LVRN: variants seen among roughly 807,000 people sequenced by gnomAD.
LVRN encodes aminopeptidase Q.
LVRN carries 99 observed loss-of-function variants against 111.4 expected under a neutral mutation model. That is an observed-to-expected ratio of 0.89 (90% CI 0.76 to 1.05). LVRN has a LOEUF of 1.05. LVRN is among the 50% of genes least tolerant of loss of function. The pLI is 0.00. For missense variants in LVRN, 1,414 were observed against 1,206.8 expected, an observed-to-expected ratio of 1.17 and a Z score of -2.54; for synonymous variants, 488 against 449.5, an observed-to-expected ratio of 1.09 and a Z score of -1.08.
At chr5:115,988,027 A>G (rs10519437) in intron 4 of LVRN, 88 bp downstream of exon 4, 241,955 of 1,489,600 alleles carry the variant, frequency 0.16, 21,752 homozygotes, top group East Asian at 0.38. Flanking sequence ...CAAACCCATA[A>G]GGATTCACCA....
intron 15 of LVRN, 30 bp from the exon 16 acceptor site, chr5:116,014,390 A>G: frequency 6.5e-7 from 1 of 1,534,918 alleles, no homozygotes; most frequent in Non-Finnish European, 9.0e-7. Context: ...AATGCAAAAT[A>G]AACTGTTTTT....
chr5:116,010,686 C>A, intron 13 of LVRN, 55 bp from the exon 14 acceptor site: 1 of 1,543,628 alleles, frequency 6.5e-7, no homozygotes, highest in South Asian at 1.2e-5. Context: ...CGAACGTATG[C>A]AAATTACTTA....
At position 116,014,441 on chromosome 5, in the gene LVRN, T is replaced by A. The variant is rs752913601; in HGVS notation, c.2364T>A (p.Phe788Leu). The A allele has an allele frequency of 1.6e-5, 26 of 1,612,122 alleles. No homozygotes were observed. The highest frequency in any genetic ancestry group is 2.1e-5 in the Non-Finnish European group (25 of 1,179,058). ...YLALISLEKL[F>L]VTACWLGLED... Reference sequence around the variant, plus strand: ...CAAGAATATCACTGGAAAAACTTTTTGTAACTGCGTGTTGGTTGGGCCTTG... The same window carrying A: ...CAAGAATATCACTGGAAAAACTTTTAGTAACTGCGTGTTGGTTGGGCCTTG... The change falls in exon 16 of 20, where the codon TTT becomes TTA. Residue 788 changes from phenylalanine (F) to leucine (L), a missense_variant. Transcript: ENST00000357872.
chr5:116,018,107 A>T (rs1323610289), intron 18 of LVRN, among the ~76,000 whole-genome samples: 1 of 152,194 alleles, frequency 6.6e-6, no homozygotes, highest in Non-Finnish European at 1.5e-5. Context: ...CCAAAAATTT[A>T]AAAATTAAAA....
In LVRN at chr5:115,963,228, T is replaced by C; in HGVS notation, c.611T>C (p.Leu204Pro). The C allele has an allele frequency of 6.2e-7, 1 of 1,612,868 alleles. No individual in the cohort carries two copies. The highest frequency in any genetic ancestry group is 8.5e-7 in the Non-Finnish European group (1 of 1,179,876). ...EPLKPGSSYE[L>P]QLSFSGLVKE... ...CTGAAACCTGGTAGCAGCTACGAGCTGCAGCTTAGCTTCTCGGGCCTGGTG... is the reference window on the plus strand; with the variant it reads ...CTGAAACCTGGTAGCAGCTACGAGCCGCAGCTTAGCTTCTCGGGCCTGGTG... Residue 204 changes from leucine to proline, a missense_variant, in exon 1 of 20, where the codon CTG becomes CCG. Leu to Pro is a moderately conservative substitution (Grantham distance 98, BLOSUM62 -3). Coordinates refer to ENST00000357872, the MANE Select transcript of LVRN (RefSeq NM_173800.5).
chr5:115,992,254 G>T lies in LVRN; in HGVS notation c.1237G>T (p.Val413Phe), dbSNP rs761742572. ...TEKKTLISYV[V>F]SHEIGHQWFG... is the part of the protein sequence containing the mutation. ...AAAAAAGACTCTGATCTCCTATGTT[G>T]TCTCCCACGAGATTGGACACCAGGC... The change falls in exon 5 of 20, where the codon GTC becomes TTC. Residue 413 changes from valine to phenylalanine, a missense_variant. By Grantham distance (50) the Val-to-Phe change is conservative (BLOSUM62 -1). Coordinates refer to ENST00000357872, the MANE Select transcript of LVRN (RefSeq NM_173800.5). 5 of 1,613,706 alleles carry T rather than the reference G, an allele frequency of 3.1e-6. No individual in the cohort carries two copies. Among genetic ancestry groups the T allele is most frequent in the Non-Finnish European group, 4.2e-6 (5 of 1,179,892 alleles).
At chr5:115,992,060 T>C in intron 4 of LVRN, 63 bp from the exon 5 acceptor site, 2 of 1,480,972 alleles carry the variant, frequency 1.4e-6, no homozygotes, top group East Asian at 2.3e-5. Context: ...TTTTGAGATA[T>C]TTAAAAAATC....
At chr5:116,001,269 C>T (rs1748232978) in intron 10 of LVRN, 30 bp downstream of exon 10, 1 of 1,609,476 alleles carries the variant, frequency 6.2e-7, no homozygotes, top group Non-Finnish European at 8.5e-7. Context: ...TTTGTCTTCA[C>T]CTTCCTTGGG....
chr5:116,023,660 G>A (rs958631531), intron 19 of LVRN: 6 of 152,132 alleles, frequency 3.9e-5, no homozygotes, highest in African/African-American at 1.4e-4. Context: ...AACAAAGCAG[G>A]CAAAAGCAAA....
At chr5:116,021,625 G>A in intron 18 of LVRN, 1 of 350,134 alleles carries the variant, frequency 2.9e-6, no homozygotes, top group Non-Finnish European at 5.6e-6. Flanking sequence ...TAAATCAATT[G>A]TATATATTAA....
Position 116,000,433 on chromosome 5 carries a change from G to C in LVRN, c.1516G>C (p.Gly506Arg), listed in dbSNP as rs1438858128. Residue 506 changes from glycine (G) to arginine (R), a missense_variant and splice_region_variant, in exon 8 of 20, where the codon GGA becomes CGA. Gly to Arg is a moderately radical substitution (Grantham distance 125). Transcript: ENST00000357872. ...ELFDIFTYSK[G>R]ASMARMLSCF... ...TAATGGACAGCTTCTTTTGTCCTAG[G>C]GAGCGTCTATGGCCCGGATGCTTTC... 1 of 1,614,084 alleles carries C rather than the reference G, an allele frequency of 6.2e-7. No individual in the cohort carries two copies. Among genetic ancestry groups the C allele is most frequent in the Non-Finnish European group, 8.5e-7 (1 of 1,179,980 alleles).
Position 115,999,814 on chromosome 5 carries a change from C to A in LVRN, c.1427C>A (p.Ala476Asp), listed in dbSNP as rs1748198235. ...ILHNILREDH[A>D]LVTRAVAMKV... is the part of the protein sequence containing the mutation. ...CATAATATCCTCAGAGAAGATCACG[C>A]CCTGGTGACTAGAGCTGTGGCCATG... The change falls in exon 7 of 20, where the codon GCC becomes GAC. Residue 476 changes from alanine (A) to aspartate (D), a missense_variant. Ala to Asp is a moderately radical substitution (Grantham distance 126). Coordinates refer to ENST00000357872, the MANE Select transcript of LVRN (RefSeq NM_173800.5). 1 of 1,613,084 alleles carries A rather than the reference C, an allele frequency of 6.2e-7. No homozygotes were observed. Among genetic ancestry groups the A allele is most frequent in the Admixed American group, 1.7e-5 (1 of 59,946 alleles).
At chr5:115,986,984 T>G (rs140776694) in intron 3 of LVRN, among the ~76,000 whole-genome samples, 72 of 152,342 alleles carry the variant, frequency 4.7e-4, no homozygotes, top group Middle Eastern at 6.8e-3. Context: ...CTTTAAGTTT[T>G]ATGCATGTTC....
intron 3 of LVRN, 92 bp from the exon 4 acceptor site, chr5:115,987,721 T>A: frequency 1.4e-6 from 2 of 1,427,920 alleles, no homozygotes; most frequent in Non-Finnish European, 1.9e-6. Context: ...GGTAAGACTT[T>A]GGTTCAGCAG....
chr5:116,027,090 A>G lies in LVRN; in HGVS notation c.*972A>G. The G allele has an allele frequency of 6.6e-6, 1 of 152,346 alleles. No homozygotes were observed. The highest frequency in any genetic ancestry group is 1.9e-4 in the East Asian group (1 of 5,184). The allele number at this position is 152,346 out of a possible 1,614,324, so 9.4% of individuals were successfully genotyped here. On this transcript the variant is annotated 3_prime_UTR_variant, in exon 20 of 20. Coordinates refer to ENST00000357872, the MANE Select transcript of LVRN (RefSeq NM_173800.5). ...TTTTGGCCAAATTGAACCTACTTGT[A>G]ATGTGGACCAACTTACTTTACACAT...
At chr5:115,973,331 C>G (rs189828943) in intron 1 of LVRN, among the ~76,000 whole-genome samples, 1 of 152,128 alleles carries the variant, frequency 6.6e-6, no homozygotes, top group East Asian at 1.9e-4. Flanking sequence ...AATTTTTGCT[C>G]TATGTTCATG....
chr5:115,975,066 C>A (rs1302436729), intron 1 of LVRN: 3 of 322,326 alleles, frequency 9.3e-6, no homozygotes, highest in Middle Eastern at 1.1e-3. Context: ...ATATTTGCTT[C>A]ACTAAACTTA....
At chr5:116,022,343 T>C in intron 18 of LVRN, 48 bp from the exon 19 acceptor site, 1 of 1,380,054 alleles carries the variant, frequency 7.2e-7, no homozygotes, top group Non-Finnish European at 1.0e-6. Context: ...TATAGCTTTA[T>C]TTTGCAAAAT....
At chr5:115,966,263 T>C (rs552321251) in intron 1 of LVRN, among the ~76,000 whole-genome samples, 13 of 152,324 alleles carry the variant, frequency 8.5e-5, no homozygotes, top group Middle Eastern at 3.4e-3. Flanking sequence ...CACTAATCCG[T>C]TCCATCTTTG....
Sources: allele counts gnomAD v4.1 joint callset (sites outside exome capture counted in the v4.1 genomes callset), GRCh38; gene constraint gnomAD v4.1.1; transcripts MANE v1.5; gene names NCBI Gene and HGNC (gene_info 2026-07-23, HGNC 2026-07-21).